KCTD16: variants seen among roughly 807,000 people sequenced by gnomAD.
KCTD16 encodes BTB/POZ domain-containing protein KCTD16.
KCTD16 carries 13 observed loss-of-function variants against 33.2 expected under a neutral mutation model. The ratio of observed to expected loss-of-function variants is 0.39; its 90% CI spans 0.25 to 0.62. The LOEUF (loss-of-function observed/expected upper bound fraction) is 0.62. KCTD16 is among the 20% of genes least tolerant of loss of function. The pLI is 0.50. For missense variants in KCTD16, 441 were observed against 525.1 expected, an observed-to-expected ratio of 0.84 and a Z score of 1.57; for synonymous variants, 197 against 195.3, an observed-to-expected ratio of 1.01 and a Z score of -0.07.
intron 3 of KCTD16, among the ~76,000 whole-genome samples, chr5:144,216,713 G>A (rs895034252): frequency 1.3e-5 from 2 of 151,864 alleles, no homozygotes; most frequent in Non-Finnish European, 2.9e-5. Context: ...GTATGGTGAC[G>A]GGCGCCTGTA....
At chr5:144,250,564 A>G (rs1754670255) in intron 3 of KCTD16, among the ~76,000 whole-genome samples, 1 of 152,332 alleles carries the variant, frequency 6.6e-6, no homozygotes, top group African/African-American at 2.4e-5. Context: ...AGAAGTATAC[A>G]GTTTAGTAGG....
chr5:144,284,919 C>T (rs1755703561), intron 3 of KCTD16, among the ~76,000 whole-genome samples: 2 of 152,184 alleles, frequency 1.3e-5, no homozygotes, highest in African/African-American at 2.4e-5. Context: ...GGGTCACAGC[C>T]AGAATCCCTA....
chr5:144,421,581 G>A (rs1464845945), intron 3 of KCTD16, among the ~76,000 whole-genome samples: 4 of 152,114 alleles, frequency 2.6e-5, no homozygotes, highest in Non-Finnish European at 4.4e-5. Context: ...CAGTGCTGAA[G>A]GAATTTGTTT....
chr5:144,336,449 T>C (rs1339489060), intron 3 of KCTD16, among the ~76,000 whole-genome samples: 1 of 152,224 alleles, frequency 6.6e-6, no homozygotes, highest in African/African-American at 2.4e-5. Context: ...GTAAGCAAGC[T>C]GCCACTGTGG....
At chr5:144,201,295 A>G (rs1459819673) in intron 2 of KCTD16, among the ~76,000 whole-genome samples, 2 of 152,196 alleles carry the variant, frequency 1.3e-5, no homozygotes, top group Non-Finnish European at 2.9e-5. Flanking sequence ...GATTATTTTC[A>G]GTTCCCCACT....
chr5:144,179,339 G>A (rs1752570848), intron 2 of KCTD16, among the ~76,000 whole-genome samples: 1 of 152,122 alleles, frequency 6.6e-6, no homozygotes, highest in Non-Finnish European at 1.5e-5. Context: ...ATTCAAAGAA[G>A]CAAATTACAT....
At chr5:144,206,339 T>G (rs922737164) in intron 2 of KCTD16, 50 bp from the exon 3 acceptor site, 2 of 175,826 alleles carry the variant, frequency 1.1e-5, no homozygotes, top group Non-Finnish European at 2.4e-5. Flanking sequence ...AGGACTCTTT[T>G]TCTGACTCAT....
At chr5:144,310,570 G>T (rs182104190) in intron 3 of KCTD16, among the ~76,000 whole-genome samples, 2 of 136,568 alleles carry the variant, frequency 1.5e-5, no homozygotes, top group African/African-American at 5.8e-5. Context: ...TATAACATAT[G>T]TAAAATATTA....
At chr5:144,200,695 C>A (rs1753027977) in intron 2 of KCTD16, among the ~76,000 whole-genome samples, 1 of 152,162 alleles carries the variant, frequency 6.6e-6, no homozygotes, top group Non-Finnish European at 1.5e-5. Context: ...AAATACGGCA[C>A]TAGGGATATT....
At chr5:144,387,247 G>A (rs1199827478) in intron 3 of KCTD16, among the ~76,000 whole-genome samples, 2 of 151,370 alleles carry the variant, frequency 1.3e-5, no homozygotes, top group African/African-American at 4.9e-5. Flanking sequence ...AAAATGTTGG[G>A]ATTACAGGCA....
chr5:144,431,434 C>A lies in KCTD16; in HGVS notation c.833-42226C>A, dbSNP rs564158206. Among the ~76,000 whole-genome samples, 96 of 152,240 alleles carry A rather than the reference C, an allele frequency of 6.3e-4. 1 individual carries two copies. The highest frequency in any genetic ancestry group is 2.2e-3 in the African/African-American group (92 of 41,558). On this transcript the variant is annotated intron_variant, in intron 3 of 3. Transcript: ENST00000512467. ...TGTCAGCTGTAGTGCTTTTCATATT[C>A]TAGTGTGTAGTTAAATAATTTACCA...
chr5:144,227,144 A>G lies in KCTD16; in HGVS notation c.832+19598A>G, dbSNP rs1753958378. Among the ~76,000 whole-genome samples the G allele has an allele frequency of 2.0e-5, 3 of 152,204 alleles. No individual in the cohort carries two copies. The South Asian group carries it at 6.2e-4, about 32-fold the overall frequency. ...TAAACAGCATAAATAAACAAAATAT[A>G]AATTATGTCACAAGGATATGTAGAT... On this transcript the variant is annotated intron_variant, in intron 3 of 3. Transcript: ENST00000512467.
intron 3 of KCTD16, among the ~76,000 whole-genome samples, chr5:144,320,565 G>A (rs375970140): frequency 9.2e-4 from 140 of 152,180 alleles, no homozygotes; most frequent in African/African-American, 3.2e-3. Flanking sequence ...AATGTTTAGA[G>A]GGAGGTTAAA....
At chr5:144,290,742 A>C (rs1755874702) in intron 3 of KCTD16, among the ~76,000 whole-genome samples, 1 of 152,322 alleles carries the variant, frequency 6.6e-6, no homozygotes, top group African/African-American at 2.4e-5. Flanking sequence ...AATGCCTGTC[A>C]AGAAGGGTAG....
At chr5:144,199,020 G>A (rs1459660180) in intron 2 of KCTD16, among the ~76,000 whole-genome samples, 1 of 151,518 alleles carries the variant, frequency 6.6e-6, no homozygotes, top group Non-Finnish European at 1.5e-5. Context: ...GTTGCTTCAG[G>A]GTATTCCACA....
intron 3 of KCTD16, among the ~76,000 whole-genome samples, chr5:144,227,616 C>T (rs894375754): frequency 3.9e-5 from 6 of 152,160 alleles, no homozygotes; most frequent in African/African-American, 1.4e-4. Flanking sequence ...TATATTTTAA[C>T]AAGCTGCTGT....
intron 3 of KCTD16, among the ~76,000 whole-genome samples, chr5:144,451,492 A>T (rs1210763498): frequency 6.6e-6 from 1 of 152,184 alleles, no homozygotes; most frequent in Non-Finnish European, 1.5e-5. Context: ...TACAGGTTAA[A>T]AATGACAAGC....
intron 3 of KCTD16, among the ~76,000 whole-genome samples, chr5:144,243,811 T>G (rs1159662631): frequency 6.6e-6 from 1 of 152,144 alleles, no homozygotes; most frequent in Non-Finnish European, 1.5e-5. Flanking sequence ...TGGCACGATG[T>G]TGGCTCACTG....
At chr5:144,400,568 T>C (rs1752680596) in intron 3 of KCTD16, among the ~76,000 whole-genome samples, 1 of 152,164 alleles carries the variant, frequency 6.6e-6, no homozygotes, top group Admixed American at 6.6e-5. Flanking sequence ...GAACATTTCA[T>C]GTGGAAGGGA....
Sources: gnomAD v4.1 joint callset for allele counts (sites outside exome capture counted in the v4.1 genomes callset) on GRCh38, gnomAD v4.1.1 for gene constraint, MANE v1.5 for transcripts, NCBI Gene and HGNC (gene_info 2026-07-23, HGNC 2026-07-21) for gene names.